The following POGZ variants were observed in gnomAD, a reference collection of about 807,000 sequenced individuals.
The protein encoded by POGZ is pogo transposable element derived with ZNF domain.
In POGZ, 17 loss-of-function variants were observed where a neutral mutation model predicts 134.6. That is an observed-to-expected ratio of 0.13 (90% confidence interval 0.09 to 0.19). The LOEUF (loss-of-function observed/expected upper bound fraction) is 0.19. Ranked by LOEUF, POGZ falls within the 10% of genes least tolerant of loss-of-function variation. The pLI is 1.00. For missense variants in POGZ, 1,306 were observed against 1,769.7 expected, an observed-to-expected ratio of 0.74 and a Z score of 4.70; for synonymous variants, 693 against 657.1, an observed-to-expected ratio of 1.05 and a Z score of -0.84.
intron 3 of POGZ, among the ~76,000 whole-genome samples, chr1:151,432,736 T>G (rs1658899740): frequency 6.6e-6 from 1 of 152,222 alleles, no homozygotes; most frequent in African/African-American, 2.4e-5. Context: ...TCATATCATC[T>G]ATAAGTATTT....
At chr1:151,426,522 GTTT>G (rs989443232) in intron 7 of POGZ, 1 of 152,034 alleles carries the variant, frequency 6.6e-6, no homozygotes, top group Non-Finnish European at 1.5e-5. Flanking sequence ...TTGTTTGGGA[GTTT>G]TTTTGTTGTT....
intron 10 of POGZ, among the ~76,000 whole-genome samples, chr1:151,420,988 C>CATATATATATATATAT (rs71090165): frequency 6.9e-6 from 1 of 144,926 alleles, no homozygotes; most frequent in African/African-American, 2.5e-5. Flanking sequence ...CGTGTTTTTT[C>CATATATATATATATAT]ATATATATAT....
intron 1 of POGZ, among the ~76,000 whole-genome samples, chr1:151,449,256 A>T (rs1191830840): frequency 1.3e-5 from 2 of 152,222 alleles, no homozygotes. Flanking sequence ...CATAAAAGGC[A>T]TAAATAAATA....
intron 5 of POGZ, among the ~76,000 whole-genome samples, chr1:151,429,149 G>C (rs1191937881): frequency 1.4e-5 from 2 of 145,508 alleles, no homozygotes; most frequent in Non-Finnish European, 3.0e-5. Context: ...CTATCTAGCA[G>C]AATCTTAAAA....
intron 1 of POGZ, among the ~76,000 whole-genome samples, chr1:151,456,055 C>CT (rs2102438966): frequency 6.6e-6 from 1 of 152,056 alleles, no homozygotes; most frequent in South Asian, 2.1e-4. Context: ...ATAGTAGTTT[C>CT]TTAAAGGACA....
At chr1:151,457,477 G>A (rs1363746208) in intron 1 of POGZ, among the ~76,000 whole-genome samples, 1 of 152,104 alleles carries the variant, frequency 6.6e-6, no homozygotes, top group Non-Finnish European at 1.5e-5. Context: ...TACTTTTTAT[G>A]CACCCCGAAG....
rs1657292852 is a variant in POGZ at position 151,423,539 on chromosome 1, A to G, written c.1536T>C (p.His512=). Residue 512 remains histidine, a synonymous_variant, in exon 10 of 19, where the codon CAT becomes CAC. Transcript: ENST00000271715. ...RLKNNIRFMN[H]MKHHVELDQQ... ...GATCGAGTTCTACGTGGTGTTTCAT[A>G]TGGTTCATGAATCTGTAATAAAGCA... The G allele has an allele frequency of 6.2e-7, 1 of 1,612,848 alleles. No individual in the cohort carries two copies. The highest frequency in any genetic ancestry group is 2.2e-5 in the East Asian group (1 of 44,882).
At position 151,406,411 on chromosome 1, in the gene POGZ, G is replaced by A. The variant is rs369572684; in HGVS notation, c.2624C>T (p.Pro875Leu). 1.3e-6 allele frequency: 2 copies of A among 1,566,046 alleles called. No homozygotes were observed. The highest frequency in any genetic ancestry group is 1.7e-6 in the Non-Finnish European group (2 of 1,158,048). ...TTTGTTAGTGGGGAAGGAAGGAGGA[G>A]GGTACATATTCTTCACGTTCCGGTC... ...VHDRNVKNMY[P>L]PPSFPTNKAA... The change falls in exon 19 of 19, where the codon CCT becomes CTT. Residue 875 changes from proline to leucine, a missense_variant. By Grantham distance (98) the Pro-to-Leu change is moderately conservative. This residue lies in a region of POGZ where 214 missense variants were observed against 255.5 expected (regional missense o/e 0.84). Transcript: ENST00000271715.
intron 1 of POGZ, among the ~76,000 whole-genome samples, chr1:151,458,828 G>C (rs1447785457): frequency 2.1e-5 from 3 of 145,446 alleles, no homozygotes; most frequent in Admixed American, 6.8e-5. Context: ...CGCGCGCCGC[G>C]GCGGGCGCCG....
chr1:151,446,135 T>A (rs144586741), intron 1 of POGZ, among the ~76,000 whole-genome samples: 7 of 140,286 alleles, frequency 5.0e-5, no homozygotes, highest in Non-Finnish European at 7.5e-5. Context: ...TTACTAAATA[T>A]GCAGTGTTAA....
chr1:151,459,310 A>AGGGTGAAAGGAAGCCTCCCTC lies in POGZ; in HGVS notation c.-181_-161dup, dbSNP rs1663229117. ...TAACCGTTGAAAGCTCGTCTCCCCA[A>AGGGTGAAAGGAAGCCTCCCTC]GGGTGAAAGGAAGCCTCCCTCGGGT... On this transcript the variant is annotated 5_prime_UTR_variant, in exon 1 of 19. Coordinates refer to ENST00000271715, the MANE Select transcript of POGZ (RefSeq NM_015100.4). The AGGGTGAAAGGAAGCCTCCCTC allele has an allele frequency of 7.1e-6, 1 of 140,720 alleles. No homozygotes were observed. Among genetic ancestry groups the AGGGTGAAAGGAAGCCTCCCTC allele is most frequent in the Non-Finnish European group, 1.5e-5 (1 of 66,430 alleles). The allele number at this position is 140,720 out of a possible 1,614,324, so 8.7% of individuals were successfully genotyped here. A position where few individuals can be genotyped will look rare whatever the true frequency, so the allele number is the denominator to read the frequency against.
rs1202790159 is a variant in POGZ, at chr1:151,403,604, G to C, written c.*1198C>G. 1.0e-6 allele frequency: 1 copy of C among 985,706 alleles called. No homozygotes were observed. The highest frequency in any genetic ancestry group is 1.2e-6 in the Non-Finnish European group (1 of 829,898). 61.1% of individuals were successfully genotyped at this position (985,706 alleles called of 1,614,324 possible). On this transcript the variant is annotated 3_prime_UTR_variant, in exon 19 of 19. Coordinates refer to ENST00000271715, the MANE Select transcript of POGZ (RefSeq NM_015100.4). The stretch of plus-strand genomic sequence containing the variant: ...ATTGTAGAAAAAATTTTCTTTCCTT[G>C]AAGCTGGCAGTGAAAAATAAAGATT...
chr1:151,424,917 G>A, intron 8 of POGZ, 38 bp downstream of exon 8: 4 of 1,070,784 alleles, frequency 3.7e-6, no homozygotes, highest in Non-Finnish European at 5.7e-6. Context: ...GTAAATGGCA[G>A]AAGCCACTTA....
rs1423830829 is a variant in POGZ, at chr1:151,442,034, CAATTT to C, written c.124+42_124+46del. On this transcript the variant is annotated intron_variant, in intron 2 of 18. Transcript: ENST00000271715. ...ACACTTTGTTAACCAAAATACCATT[CAATTT>C]AATTAATTTAAACCATCTAAGATCA... 3 of 1,413,780 alleles carry C rather than the reference CAATTT, an allele frequency of 2.1e-6. No homozygotes were observed. The South Asian group carries it at 3.6e-5, about 17-fold the overall frequency. The allele number at this position is 1,413,780 out of a possible 1,614,324, so 87.6% of individuals were successfully genotyped here.
In POGZ at chr1:151,405,481, T is replaced by C. The variant is rs372414969; in HGVS notation, c.3554A>G (p.Asn1185Ser). The C allele has an allele frequency of 1.9e-6, 3 of 1,614,116 alleles. No individual in the cohort carries two copies. The African/African-American group carries it at 4.0e-5, about 22-fold the overall frequency. Residue 1185 changes from asparagine (N) to serine (S), a missense_variant, in exon 19 of 19, where the codon AAC becomes AGC. By Grantham distance (46) the Asn-to-Ser change is conservative. Around this residue, in one of 10 missense-constraint regions of POGZ, gnomAD observed 161 missense variants for 185.4 expected, o/e 0.87. Coordinates refer to ENST00000271715, the MANE Select transcript of POGZ (RefSeq NM_015100.4). This position sits in a 1 kb window ranked among gnomAD's most constrained non-coding sequence, Gnocchi z 4.9. Reference sequence around the variant, plus strand: ...CTCTAGCAATATGGAGTCTGGCATGTTAGCAGGCTGATCCATCTGCCCTCT... The same window carrying C: ...CTCTAGCAATATGGAGTCTGGCATGCTAGCAGGCTGATCCATCTGCCCTCT... ...FYRGQMDQPA[N>S]MPDSILLEAK...
chr1:151,438,424 T>C (rs999899038), intron 3 of POGZ, among the ~76,000 whole-genome samples: 2 of 152,124 alleles, frequency 1.3e-5, no homozygotes, highest in African/African-American at 4.8e-5. Context: ...ACATGGGTTA[T>C]GGGTTAACAT....
chr1:151,434,223 T>C (rs965164997), intron 3 of POGZ, among the ~76,000 whole-genome samples: 3 of 152,130 alleles, frequency 2.0e-5, no homozygotes, highest in East Asian at 1.9e-4. Context: ...GGCATGACAA[T>C]TGCTTGAACC....
At chr1:151,435,321 C>G (rs966363360) in intron 3 of POGZ, among the ~76,000 whole-genome samples, 1 of 152,200 alleles carries the variant, frequency 6.6e-6, no homozygotes, top group Non-Finnish European at 1.5e-5. Context: ...ATTAAATTCA[C>G]ATCATTCACA....
chr1:151,427,480 T>C (rs950754776), intron 7 of POGZ: 2 of 289,936 alleles, frequency 6.9e-6, no homozygotes, highest in East Asian at 8.4e-5. Flanking sequence ...AAAACCCTCA[T>C]GCTCATCATT....
Sources: gnomAD v4.1 joint callset for allele counts (sites outside exome capture counted in the v4.1 genomes callset) on GRCh38, gnomAD v4.1.1 for gene constraint, gnomAD v4.1.1 regional missense constraint, Gnocchi (gnomAD v3.1) non-coding constraint, MANE v1.5 for transcripts, NCBI Gene and HGNC (gene_info 2026-07-23, HGNC 2026-07-21) for gene names.